XKR9: variants seen among roughly 807,000 people sequenced by gnomAD.
XKR9 encodes the protein XK-related protein 9.
XKR9 carries 32 observed loss-of-function variants against 32.0 expected under a neutral mutation model. The observed-to-expected ratio is 1.00, with a 90% confidence interval of 0.76 to 1.34. The LOEUF is 1.34. Ranked by LOEUF, XKR9 falls within the 40% of genes most tolerant of loss-of-function variation. XKR9 has a pLI of 0.00. For synonymous variants in XKR9, 168 were observed against 143.4 expected (o/e 1.17, Z -1.22); for missense variants, 546 against 429.7 (o/e 1.27, Z -2.39).
At chr8:70,836,679 T>TG in the XKR9 span, among the ~76,000 whole-genome samples, 1 of 152,078 alleles carries the variant, frequency 6.6e-6, no homozygotes, top group Non-Finnish European at 1.5e-5. Flanking sequence ...CCAATATCTT[T>TG]AAGGGACATG....
chr8:71,004,256 G>A, the XKR9 span, among the ~76,000 whole-genome samples: 6 of 152,144 alleles, frequency 3.9e-5, no homozygotes, highest in Middle Eastern at 3.2e-3. Context: ...AAGAGGGCTG[G>A]GAATGACAGG....
intron 3 of XKR9, among the ~76,000 whole-genome samples, chr8:70,685,242 A>G (rs1355890558): frequency 6.7e-6 from 1 of 150,128 alleles, no homozygotes; most frequent in Non-Finnish European, 1.5e-5. Context: ...AACTATCACA[A>G]GAACAAAAAA....
chr8:70,938,354 A>G, the XKR9 span, among the ~76,000 whole-genome samples: 1 of 151,864 alleles, frequency 6.6e-6, no homozygotes, highest in Non-Finnish European at 1.5e-5. Context: ...AGAAAGATGG[A>G]ATAGGGTGTA....
At chr8:70,871,338 A>C in the XKR9 span, among the ~76,000 whole-genome samples, 1 of 152,076 alleles carries the variant, frequency 6.6e-6, no homozygotes, top group African/African-American at 2.4e-5. Flanking sequence ...ATTGTATTGC[A>C]CTTTGCAGAT....
the XKR9 span, among the ~76,000 whole-genome samples, chr8:70,811,518 G>A: frequency 9.2e-5 from 14 of 152,044 alleles, no homozygotes; most frequent in African/African-American, 2.4e-4. Context: ...TTTTTGAAAA[G>A]ATCAACAAAA....
At chr8:70,763,720 C>G (rs1313221219) in intron 2 of XKR9, among the ~76,000 whole-genome samples, 1 of 152,144 alleles carries the variant, frequency 6.6e-6, no homozygotes. Context: ...GTGTCCCTCC[C>G]CTATTTGAAG....
chr8:70,773,701 T>G (rs1807482937), intron 2 of XKR9, among the ~76,000 whole-genome samples: 1 of 152,188 alleles, frequency 6.6e-6, no homozygotes, highest in Non-Finnish European at 1.5e-5. Context: ...AAAACACTGA[T>G]TTATTTGCTT....
chr8:70,734,595 T>C lies in XKR9; in HGVS notation c.*171T>C, dbSNP rs1438196210. 1 of 940,928 alleles carries C rather than the reference T, an allele frequency of 1.1e-6. No homozygotes were observed. Among genetic ancestry groups the C allele is most frequent in the Non-Finnish European group, 1.4e-6 (1 of 728,176 alleles). The allele number at this position is 940,928 out of a possible 1,614,324, so 58.3% of individuals were successfully genotyped here. On this transcript the variant is annotated 3_prime_UTR_variant, in exon 5 of 5. Coordinates refer to ENST00000408926, the MANE Select transcript of XKR9 (RefSeq NM_001011720.2). The stretch of plus-strand genomic sequence containing the variant: ...TTATTTTTAAAATTAATTTCTCATT[T>C]GGTTTTGAAGATCTTGAGTACTCAG...
chr8:71,040,017 T>C, the XKR9 span, among the ~76,000 whole-genome samples: 2 of 152,182 alleles, frequency 1.3e-5, no homozygotes, highest in Non-Finnish European at 2.9e-5. Flanking sequence ...GGTGGCCAGG[T>C]GTGGGAAACT....
chr8:70,814,066 G>A, the XKR9 span, among the ~76,000 whole-genome samples: 1 of 152,162 alleles, frequency 6.6e-6, no homozygotes, highest in Non-Finnish European at 1.5e-5. Flanking sequence ...ACAATAGTCT[G>A]GATTAAGAAA....
intron 4 of XKR9, among the ~76,000 whole-genome samples, chr8:70,733,039 C>T (rs1474124307): frequency 3.3e-5 from 5 of 152,126 alleles, no homozygotes; most frequent in African/African-American, 4.8e-5. Context: ...ATTGGTTGAA[C>T]CCGGGAGGTG....
intron 2 of XKR9, among the ~76,000 whole-genome samples, chr8:70,764,754 C>A (rs1020127489): frequency 6.6e-6 from 1 of 152,152 alleles, no homozygotes; most frequent in African/African-American, 2.4e-5. Context: ...CTCCCACCCC[C>A]TGACAGGCCC....
chr8:71,061,791 T>G, the XKR9 span, among the ~76,000 whole-genome samples: 6 of 152,130 alleles, frequency 3.9e-5, no homozygotes, highest in African/African-American at 1.4e-4. Flanking sequence ...AGGAAAGACC[T>G]CTCTCAGTAA....
the XKR9 span, among the ~76,000 whole-genome samples, chr8:70,927,908 T>G: frequency 6.6e-6 from 1 of 152,192 alleles, no homozygotes; most frequent in East Asian, 1.9e-4. Context: ...TAGGAAATGC[T>G]CTCCATTCTA....
the XKR9 span, among the ~76,000 whole-genome samples, chr8:71,062,593 GT>G: frequency 6.6e-6 from 1 of 152,168 alleles, no homozygotes; most frequent in African/African-American, 2.4e-5. Flanking sequence ...GAGCCTCTGG[GT>G]TAATATATTT....
At chr8:70,836,030 A>G in the XKR9 span, among the ~76,000 whole-genome samples, 1 of 152,076 alleles carries the variant, frequency 6.6e-6, no homozygotes, top group East Asian at 1.9e-4. Flanking sequence ...AGATTCTACT[A>G]TACACATTTT....
At chr8:70,983,762 C>A in the XKR9 span, among the ~76,000 whole-genome samples, 1 of 150,896 alleles carries the variant, frequency 6.6e-6, no homozygotes, top group East Asian at 1.9e-4. Flanking sequence ...GCCTGGGGGA[C>A]AAGGGCAAGA....
the XKR9 span, among the ~76,000 whole-genome samples, chr8:70,855,530 G>A: frequency 6.6e-6 from 1 of 152,198 alleles, no homozygotes; most frequent in Non-Finnish European, 1.5e-5. Flanking sequence ...CGGGGAGAAT[G>A]GAACGAAGTT....
chr8:70,780,640 C>T (rs1038391808), intron 2 of XKR9, among the ~76,000 whole-genome samples: 1 of 152,106 alleles, frequency 6.6e-6, no homozygotes, highest in African/African-American at 2.4e-5. Flanking sequence ...TGACTGCCGA[C>T]AGCATGATTT....
Sources: gnomAD v4.1 joint callset for allele counts (sites outside exome capture counted in the v4.1 genomes callset) on GRCh38, gnomAD v4.1.1 for gene constraint, MANE v1.5 for transcripts, NCBI Gene and HGNC (gene_info 2026-07-23, HGNC 2026-07-21) for gene names.